ABHD2: variants seen among roughly 807,000 people sequenced by gnomAD.
ABHD2 encodes monoacylglycerol lipase ABHD2.
In ABHD2, 20 loss-of-function variants were observed where a neutral mutation model predicts 48.1. The observed-to-expected ratio is 0.42, with a 90% CI of 0.29 to 0.60. The LOEUF is 0.60. ABHD2 is among the 20% of genes least tolerant of loss of function. The pLI is 0.24. For synonymous variants in ABHD2, 209 were observed against 214.2 expected (o/e 0.98, Z 0.21); for missense variants, 405 against 550.9 (o/e 0.74, Z 2.65).
In ABHD2 at chr15:89,201,078, G is replaced by A. The variant is rs1275586963; in HGVS notation, c.*5655G>A. On this transcript the variant is annotated 3_prime_UTR_variant, in exon 11 of 11. Transcript: ENST00000352732. ...GCCTGGGCAACAAGAGTGAGACTCC[G>A]TCTCCAAAAAAAGAAAAGGAATCCA... 2.6e-5 allele frequency: 23 copies of A among 868,656 alleles called. No homozygotes were observed. Among genetic ancestry groups the A allele is most frequent in the East Asian group, 1.5e-4 (6 of 40,932 alleles). 53.8% of individuals were successfully genotyped at this position (868,656 alleles called of 1,614,324 possible).
At chr15:89,172,465 A>T (rs2050945893) in intron 5 of ABHD2, among the ~76,000 whole-genome samples, 1 of 152,228 alleles carries the variant, frequency 6.6e-6, no homozygotes, top group Admixed American at 6.5e-5. Context: ...CTTCCCTTTT[A>T]AAGCTGAATA....
the ABHD2 span, among the ~76,000 whole-genome samples, chr15:89,061,718 G>A: frequency 6.6e-6 from 1 of 151,904 alleles, no homozygotes; most frequent in East Asian, 1.9e-4. Context: ...GACTACAGGT[G>A]TGCACCACCA....
In ABHD2 at chr15:89,137,160, C is replaced by T. The variant is rs1348067821; in HGVS notation, c.195-14517C>T. On this transcript the variant is annotated intron_variant, in intron 3 of 10. Coordinates refer to ENST00000352732, the MANE Select transcript of ABHD2 (RefSeq NM_152924.5). The surrounding 1 kb of genome is among the most constrained non-coding windows in gnomAD (Gnocchi z 4.8). ...AACCCTGGAGACTGGAACTCTGGAG[C>T]TTCTTAATAAACTGCCTCCCTACTT... Among the ~76,000 whole-genome samples the T allele has an allele frequency of 6.6e-6, 1 of 152,070 alleles. No homozygotes were observed. The highest frequency in any genetic ancestry group is 1.5e-5 in the Non-Finnish European group (1 of 68,004).
At chr15:89,077,606 C>T in the ABHD2 span, among the ~76,000 whole-genome samples, 1 of 152,126 alleles carries the variant, frequency 6.6e-6, no homozygotes, top group Non-Finnish European at 1.5e-5. Flanking sequence ...GTAAAACAGG[C>T]ATAATCATAT....
chr15:89,191,116 T>C lies in ABHD2; in HGVS notation c.963T>C (p.Tyr321=), dbSNP rs2051296582. The C allele has an allele frequency of 6.2e-7, 1 of 1,613,972 alleles. No individual in the cohort carries two copies. The highest frequency in any genetic ancestry group is 8.5e-7 in the Non-Finnish European group (1 of 1,180,040). The change falls in exon 9 of 11, where the codon TAT becomes TAC. Residue 321 remains tyrosine, a synonymous_variant. Transcript: ENST00000352732. Reference sequence around the variant, plus strand: ...GCTATAACTCCCTGAAGGAATACTATGAGGAAGAAAGTTGCATGCGGTACC... The same window carrying C: ...GCTATAACTCCCTGAAGGAATACTACGAGGAAGAAAGTTGCATGCGGTACC... The part of the protein sequence containing the change: ...FHGYNSLKEY[Y]EEESCMRYLH...
In ABHD2 at chr15:89,120,358, A is replaced by G. The variant is rs146338387; in HGVS notation, c.194+3837A>G. 4.6e-5 allele frequency among the ~76,000 whole-genome samples: 7 copies of G among 152,332 alleles called. No individual in the cohort carries two copies. The highest frequency in any genetic ancestry group is 2.6e-4 in the Admixed American group (4 of 15,304). Reference sequence around the variant, plus strand: ...GAAACAAGCAGACGCCCAGTTCGGAATTATGACAAAAATCTAGATAGTCAT... The same window carrying G: ...GAAACAAGCAGACGCCCAGTTCGGAGTTATGACAAAAATCTAGATAGTCAT... On this transcript the variant is annotated intron_variant, in intron 3 of 10. Transcript: ENST00000352732. The surrounding 1 kb of genome is among the most constrained non-coding windows in gnomAD (Gnocchi z 4.2).
chr15:89,168,394 G>T lies in ABHD2; in HGVS notation c.539-7418G>T, dbSNP rs1242985453. Among the ~76,000 whole-genome samples, 1 of 152,222 alleles carries T rather than the reference G, an allele frequency of 6.6e-6. No individual in the cohort carries two copies. Among genetic ancestry groups the T allele is most frequent in the African/African-American group, 2.4e-5 (1 of 41,466 alleles). On this transcript the variant is annotated intron_variant, in intron 5 of 10. Transcript: ENST00000352732. The surrounding 1 kb of genome is among the most constrained non-coding windows in gnomAD (Gnocchi z 4.8). ...CATTTAAAAACAGATTAATGTAGCT[G>T]TTAGTAATAACAGGCCAGGGAGAGG...
chr15:89,063,968 G>A, the ABHD2 span, among the ~76,000 whole-genome samples: 8 of 152,070 alleles, frequency 5.3e-5, no homozygotes, highest in African/African-American at 1.7e-4. Context: ...GCCAGTCCAT[G>A]GCCCAGGGGT....
Position 89,146,732 on chromosome 15 carries a change from G to T in ABHD2, c.195-4945G>T, listed in dbSNP as rs548777982. 6.6e-6 allele frequency among the ~76,000 whole-genome samples: 1 copy of T among 152,046 alleles called. No homozygotes were observed. Among genetic ancestry groups the T allele is most frequent in the African/African-American group, 2.4e-5 (1 of 41,394 alleles). On this transcript the variant is annotated intron_variant, in intron 3 of 10. Transcript: ENST00000352732. This position sits in a 1 kb window ranked among gnomAD's most constrained non-coding sequence, Gnocchi z 4.2. Reference sequence around the variant, plus strand: ...CAGACAGAAAGACATGCAAATTAGCGTAGTAAAAATGGAATATTCTGTAAA... The same window carrying T: ...CAGACAGAAAGACATGCAAATTAGCTTAGTAAAAATGGAATATTCTGTAAA...
intron 6 of ABHD2, among the ~76,000 whole-genome samples, chr15:89,178,651 CCTT>C (rs2150932671): frequency 1.3e-5 from 2 of 152,350 alleles, no homozygotes; most frequent in East Asian, 3.9e-4. Context: ...AACTAGCTCA[CCTT>C]CTACCTAAAT....
rs2049690563 is a variant in ABHD2 at position 89,100,852 on chromosome 15, TGAGAGACTCCATCTCAAAA to T, written c.-107+12290_-107+12308del. On this transcript the variant is annotated intron_variant, in intron 1 of 10. Transcript: ENST00000352732. The surrounding 1 kb of genome is among the most constrained non-coding windows in gnomAD (Gnocchi z 4.4). ...CATTGCACTCCACCCTGGGCCACAG[TGAGAGACTCCATCTCAAAA>T]AAAAAGGAACCTTATTTTATAATTT... 6.6e-6 allele frequency among the ~76,000 whole-genome samples: 1 copy of T among 152,114 alleles called. No individual in the cohort carries two copies. The highest frequency in any genetic ancestry group is 2.1e-4 in the South Asian group (1 of 4,824).
At chr15:89,170,971 C>G (rs1007172746) in intron 5 of ABHD2, among the ~76,000 whole-genome samples, 2 of 152,032 alleles carry the variant, frequency 1.3e-5, no homozygotes, top group Admixed American at 6.6e-5. Flanking sequence ...CAAAAATTAG[C>G]CCGGCGTGGT....
At chr15:89,058,643 A>G in the ABHD2 span, among the ~76,000 whole-genome samples, 1 of 152,098 alleles carries the variant, frequency 6.6e-6, no homozygotes, top group Non-Finnish European at 1.5e-5. Context: ...GTGCCCCTGG[A>G]CATCGAGACT....
At chr15:89,130,510 G>A (rs1024646668) in intron 3 of ABHD2, among the ~76,000 whole-genome samples, 11 of 152,130 alleles carry the variant, frequency 7.2e-5, no homozygotes, top group African/African-American at 2.2e-4. Context: ...TGGTTGGTCC[G>A]GTAAAGCCCC....
rs558016967 is a variant in ABHD2, at chr15:89,177,977, C to T, written c.722+1982C>T. ...GACGCAGCAAGCTAAGGTGTTTGAA[C>T]TAAGGCAAAGAAGGCTCAAGAAGCT... On this transcript the variant is annotated intron_variant, in intron 6 of 10. Coordinates refer to ENST00000352732, the MANE Select transcript of ABHD2 (RefSeq NM_152924.5). This position sits in a 1 kb window ranked among gnomAD's most constrained non-coding sequence, Gnocchi z 5.6. Among the ~76,000 whole-genome samples, 9 of 152,312 alleles carry T rather than the reference C, an allele frequency of 5.9e-5. No individual in the cohort carries two copies. Among genetic ancestry groups the T allele is most frequent in the African/African-American group, 2.2e-4 (9 of 41,562 alleles).
rs1371336602 is a variant in ABHD2, at chr15:89,189,862, C to T, written c.927-1218C>T. On this transcript the variant is annotated intron_variant, in intron 8 of 10. Coordinates refer to ENST00000352732, the MANE Select transcript of ABHD2 (RefSeq NM_152924.5). This position sits in a 1 kb window ranked among gnomAD's most constrained non-coding sequence, Gnocchi z 4.9. Reference sequence around the variant, plus strand: ...AGAAGAGAATGTTTCTCAACACTCTCTAAAGTCTTTCCTCTTTAATAGCGT... The same window carrying T: ...AGAAGAGAATGTTTCTCAACACTCTTTAAAGTCTTTCCTCTTTAATAGCGT... 6.6e-6 allele frequency among the ~76,000 whole-genome samples: 1 copy of T among 152,108 alleles called. No individual in the cohort carries two copies. The highest frequency in any genetic ancestry group is 2.4e-5 in the African/African-American group (1 of 41,414).
In ABHD2 at chr15:89,104,679, A is replaced by G. The variant is rs2049754694; in HGVS notation, c.-106-9046A>G. On this transcript the variant is annotated intron_variant, in intron 1 of 10. Coordinates refer to ENST00000352732, the MANE Select transcript of ABHD2 (RefSeq NM_152924.5). This position sits in a 1 kb window ranked among gnomAD's most constrained non-coding sequence, Gnocchi z 4.4. ...TGAAACTTTCTTCTTTGCCTGCCTT[A>G]GGGAGTTAGATGGGTTGAGTGGTTC... is the stretch of plus-strand genomic sequence containing the variant. Among the ~76,000 whole-genome samples the G allele has an allele frequency of 6.6e-6, 1 of 152,210 alleles. No individual in the cohort carries two copies. The highest frequency in any genetic ancestry group is 1.9e-4 in the East Asian group (1 of 5,186).
intron 9 of ABHD2, among the ~76,000 whole-genome samples, chr15:89,191,553 C>T (rs2051305331): frequency 1.3e-5 from 2 of 152,034 alleles, no homozygotes; most frequent in African/African-American, 4.8e-5. Flanking sequence ...AAAATTCCTG[C>T]CATGATCTGG....
chr15:89,113,185 A>G (rs1334390619), intron 1 of ABHD2, among the ~76,000 whole-genome samples: 4 of 152,208 alleles, frequency 2.6e-5, no homozygotes, highest in African/African-American at 7.2e-5. Flanking sequence ...GTCTGAACTC[A>G]GACCCTACAA....
Sources: gnomAD v4.1 joint callset for allele counts (sites outside exome capture counted in the v4.1 genomes callset) on GRCh38, gnomAD v4.1.1 for gene constraint, Gnocchi (gnomAD v3.1) non-coding constraint, MANE v1.5 for transcripts, NCBI Gene and HGNC (gene_info 2026-07-23, HGNC 2026-07-21) for gene names.